Variants in CSMD1 observed in about 807,000 individuals in gnomAD.
The protein encoded by CSMD1 is CUB and sushi domain-containing protein 1.
Under a neutral mutation model 417.5 loss-of-function variants are expected in CSMD1, and 213 were observed. The observed-to-expected ratio is 0.51, with a 90% CI of 0.46 to 0.57. CSMD1 has a LOEUF of 0.57. Ranked by LOEUF, CSMD1 falls within the 20% of genes least tolerant of loss-of-function variation. The pLI is 0.00. For synonymous variants in CSMD1, 2,862 were observed against 1,736.8 expected (o/e 1.65, Z -16.11); for missense variants, 6,923 against 4,529.7 (o/e 1.53, Z -15.17).
chr8:3,542,526 G>A (rs1433714117), intron 10 of CSMD1, among the ~76,000 whole-genome samples: 1 of 152,160 alleles, frequency 6.6e-6, no homozygotes, highest in Non-Finnish European at 1.5e-5. Flanking sequence ...TGTGTCAGAT[G>A]CTGGCAGGGA....
At chr8:4,107,353 A>C (rs1801621141) in intron 3 of CSMD1, among the ~76,000 whole-genome samples, 1 of 152,182 alleles carries the variant, frequency 6.6e-6, no homozygotes, top group African/African-American at 2.4e-5. Flanking sequence ...GCTCCTTACA[A>C]AGCCACCTGT....
intron 12 of CSMD1, among the ~76,000 whole-genome samples, chr8:3,443,103 T>C (rs1415075974): frequency 2.6e-5 from 4 of 152,150 alleles, no homozygotes; most frequent in Non-Finnish European, 5.9e-5. Flanking sequence ...TTTGTACTTA[T>C]GATGCCTTTT....
chr8:4,070,909 T>C (rs1045897333), intron 3 of CSMD1, among the ~76,000 whole-genome samples: 1 of 152,228 alleles, frequency 6.6e-6, no homozygotes, highest in African/African-American at 2.4e-5. Flanking sequence ...TTTAGCACTT[T>C]AATGATGTTG....
intron 6 of CSMD1, among the ~76,000 whole-genome samples, chr8:3,720,651 AC>A: frequency 6.6e-6 from 1 of 151,816 alleles, no homozygotes; most frequent in East Asian, 1.9e-4. Flanking sequence ...ACACACACAC[AC>A]ACACCAGCAC....
At chr8:3,526,211 A>G (rs1797747302) in intron 10 of CSMD1, among the ~76,000 whole-genome samples, 1 of 152,194 alleles carries the variant, frequency 6.6e-6, no homozygotes, top group Non-Finnish European at 1.5e-5. Flanking sequence ...TCATAAGACT[A>G]CATCGTTTTT....
At chr8:4,909,887 G>A (rs1805548575) in intron 1 of CSMD1, among the ~76,000 whole-genome samples, 1 of 152,168 alleles carries the variant, frequency 6.6e-6, no homozygotes, top group African/African-American at 2.4e-5. Flanking sequence ...TTTGGGGTTT[G>A]CCCAGCTTTT....
At chr8:3,404,454 T>C (rs977510167) in intron 15 of CSMD1, among the ~76,000 whole-genome samples, 2 of 152,042 alleles carry the variant, frequency 1.3e-5, no homozygotes, top group Admixed American at 1.3e-4. Context: ...ATACTGTGGT[T>C]GTCATGGAGG....
Position 3,110,295 on chromosome 8 carries a change from G to T in CSMD1, c.6471C>A (p.Ile2157=). Reference sequence around the variant, plus strand: ...ACTCATCAGGAAAGCCAGGGGAGTAGATGGTGCCGTTCTGAGAAGTTACGT... The same window carrying T: ...ACTCATCAGGAAAGCCAGGGGAGTATATGGTGCCGTTCTGAGAAGTTACGT... The part of the protein sequence containing the change: ...GYNVTSQNGT[I]YSPGFPDEYP... The change falls in exon 43 of 70, where the codon ATC becomes ATA. Residue 2157 remains isoleucine (I), a synonymous_variant. Coordinates refer to ENST00000635120, the MANE Select transcript of CSMD1 (RefSeq NM_033225.6). 1.9e-6 allele frequency: 3 copies of T among 1,613,444 alleles called. No homozygotes were observed. The highest frequency in any genetic ancestry group is 2.5e-6 in the Non-Finnish European group (3 of 1,179,692).
At chr8:3,624,610 C>A (rs1796405982) in intron 7 of CSMD1, among the ~76,000 whole-genome samples, 2 of 152,224 alleles carry the variant, frequency 1.3e-5, no homozygotes, top group African/African-American at 4.8e-5. Flanking sequence ...TTTTTATCTG[C>A]ATAACCATCA....
chr8:3,436,096 G>C (rs1204167052), intron 12 of CSMD1, among the ~76,000 whole-genome samples: 1 of 152,134 alleles, frequency 6.6e-6, no homozygotes, highest in East Asian at 1.9e-4. Context: ...CTAAGGAGCA[G>C]AGGCTCCCTC....
intron 5 of CSMD1, among the ~76,000 whole-genome samples, chr8:3,838,271 C>G (rs971513371): frequency 3.3e-5 from 5 of 152,088 alleles, no homozygotes; most frequent in Admixed American, 2.6e-4. Flanking sequence ...CATAATGGCT[C>G]ACACCTGTAA....
At chr8:4,652,565 T>A (rs1803966075) in intron 1 of CSMD1, among the ~76,000 whole-genome samples, 1 of 151,746 alleles carries the variant, frequency 6.6e-6, no homozygotes, top group East Asian at 1.9e-4. Flanking sequence ...GGCAGGAGAA[T>A]CGCTTGAACC....
intron 3 of CSMD1, among the ~76,000 whole-genome samples, chr8:4,366,393 G>A (rs1156483969): frequency 6.6e-6 from 1 of 152,148 alleles, no homozygotes; most frequent in East Asian, 1.9e-4. Context: ...ATGAACATAT[G>A]CATGCACGTG....
intron 3 of CSMD1, among the ~76,000 whole-genome samples, chr8:4,113,389 G>T (rs1284568624): frequency 3.2e-5 from 3 of 93,440 alleles, no homozygotes; most frequent in African/African-American, 1.2e-4. Flanking sequence ...AAATAAAAGG[G>T]CTTTTTTTTT....
Position 4,637,542 on chromosome 8 carries a change from G to C in CSMD1, c.102C>G (p.Gly34=). 1 of 1,596,678 alleles carries C rather than the reference G, an allele frequency of 6.3e-7. No individual in the cohort carries two copies. The highest frequency in any genetic ancestry group is 8.5e-7 in the Non-Finnish European group (1 of 1,170,020). ...LTAAKGQNCG[G]LVQGPNGTIE... ...TAGTGCCATTGGGACCCTGGACTAAGCCTCCACAGTTCTGACCTGGAAGAG... is the reference window on the plus strand; with the variant it reads ...TAGTGCCATTGGGACCCTGGACTAACCCTCCACAGTTCTGACCTGGAAGAG... Residue 34 remains glycine, a synonymous_variant, in exon 2 of 70, where the codon GGC becomes GGG. Transcript: ENST00000635120.
rs142456434 is a variant in CSMD1, at chr8:4,606,787, G to A, written c.302+30555C>T. ...GTAAATTTTCAAATTGACATAAAGG[G>A]GAGTATCATTTCTCCCCAAATAGAA... On this transcript the variant is annotated intron_variant, in intron 2 of 69. Transcript: ENST00000635120. Among the ~76,000 whole-genome samples the A allele has an allele frequency of 4.5e-3, 683 of 152,144 alleles. 3 individuals carry two copies. The highest frequency in any genetic ancestry group is 6.5e-3 in the Admixed American group (100 of 15,286).
chr8:3,519,190 T>G (rs1797401549), intron 10 of CSMD1, among the ~76,000 whole-genome samples: 1 of 152,204 alleles, frequency 6.6e-6, no homozygotes, highest in South Asian at 2.1e-4. Context: ...AACACGTGAT[T>G]AATTATCACT....
intron 3 of CSMD1, among the ~76,000 whole-genome samples, chr8:4,073,280 G>T (rs1050740926): frequency 6.6e-6 from 1 of 152,128 alleles, no homozygotes; most frequent in South Asian, 2.1e-4. Context: ...AATTAGAGTT[G>T]AAAGAAGAGA....
intron 11 of CSMD1, among the ~76,000 whole-genome samples, chr8:3,485,883 T>G (rs1477510281): frequency 6.6e-6 from 1 of 152,026 alleles, no homozygotes; most frequent in Non-Finnish European, 1.5e-5. Context: ...GTGAATATCC[T>G]GGTTGTGACA....
Sources: allele counts gnomAD v4.1 joint callset (sites outside exome capture counted in the v4.1 genomes callset), GRCh38; gene constraint gnomAD v4.1.1; transcripts MANE v1.5; gene names NCBI Gene and HGNC (gene_info 2026-07-23, HGNC 2026-07-21).